The following TIMM23B variants were observed in gnomAD, a reference collection of about 807,000 sequenced individuals.
TIMM23B encodes mitochondrial import inner membrane translocase subunit Tim23B.
Under a neutral mutation model 27.3 loss-of-function variants are expected in TIMM23B, and 27 were observed. The ratio of observed to expected loss-of-function variants is 0.99; its 90% CI spans 0.73 to 1.36. The LOEUF is 1.36. Among genes scored for constraint, TIMM23B ranks in the 40% most tolerant of loss-of-function variants. TIMM23B has a pLI of 0.00. For missense variants in TIMM23B, 205 were observed against 244.2 expected (o/e 0.84, Z 1.07); for synonymous variants, 73 against 92.4 (o/e 0.79, Z 1.21).
chr10:49,943,671 C>A (rs1468144144), intron 1 of TIMM23B, among the ~76,000 whole-genome samples: 7 of 150,560 alleles, frequency 4.6e-5, no homozygotes, highest in Non-Finnish European at 1.0e-4. Flanking sequence ...GAATGAACAC[C>A]ATTTACTGAG....
At chr10:49,964,783 G>A (rs1451830676) in intron 6 of TIMM23B, among the ~76,000 whole-genome samples, 1 of 151,606 alleles carries the variant, frequency 6.6e-6, no homozygotes, top group Non-Finnish European at 1.5e-5. Context: ...GAAATGCCGG[G>A]TGAAATGAAA....
intron 6 of TIMM23B, among the ~76,000 whole-genome samples, chr10:49,969,393 T>C (rs2132063940): frequency 7.0e-6 from 1 of 142,990 alleles, no homozygotes; most frequent in South Asian, 2.2e-4. Flanking sequence ...GCCTTCATTG[T>C]GCCACTGCAC....
At chr10:49,972,873 C>T (rs1840512410) in intron 6 of TIMM23B, 139 bp from the exon 7 acceptor site, 2 of 692,708 alleles carry the variant, frequency 2.9e-6, no homozygotes, top group Non-Finnish European at 2.5e-6. Flanking sequence ...CAGATAGAGA[C>T]ATGCATGTTG....
At chr10:49,957,427 A>C (rs1390234794) in intron 5 of TIMM23B, among the ~76,000 whole-genome samples, 1 of 151,762 alleles carries the variant, frequency 6.6e-6, no homozygotes, top group East Asian at 1.9e-4. Flanking sequence ...TTTTTTAAAA[A>C]TTTTTTTGGA....
chr10:49,968,343 T>C (rs1273649043), intron 6 of TIMM23B, among the ~76,000 whole-genome samples: 2 of 152,254 alleles, frequency 1.3e-5, no homozygotes, highest in African/African-American at 4.8e-5. Context: ...AAACTTAGAT[T>C]TTACAATCCT....
intron 6 of TIMM23B, among the ~76,000 whole-genome samples, chr10:49,963,298 G>C (rs12783676): frequency 0.18 from 26,695 of 150,880 alleles, 1,331 homozygotes; most frequent in Non-Finnish European, 0.25. Context: ...GTCTCGAAAT[G>C]AAATGGAATG....
intron 6 of TIMM23B, among the ~76,000 whole-genome samples, chr10:49,969,617 T>C (rs1369986475): frequency 6.6e-6 from 1 of 151,136 alleles, no homozygotes; most frequent in African/African-American, 2.4e-5. Context: ...CACTTGAGCT[T>C]GGGGAGGTCA....
At chr10:49,955,491 T>G (rs1463732606) in intron 5 of TIMM23B, among the ~76,000 whole-genome samples, 1 of 152,254 alleles carries the variant, frequency 6.6e-6, no homozygotes, top group African/African-American at 2.4e-5. Context: ...CTGAGTAGAT[T>G]TCAGGCACCT....
At chr10:49,949,842 A>G (rs1839466826) in intron 2 of TIMM23B, among the ~76,000 whole-genome samples, 2 of 150,420 alleles carry the variant, frequency 1.3e-5, no homozygotes, top group African/African-American at 2.4e-5. Context: ...TTTGGCAACA[A>G]CTTTTTTTTT....
At chr10:49,943,510 C>G (rs1839236560) in intron 1 of TIMM23B, among the ~76,000 whole-genome samples, 1 of 151,960 alleles carries the variant, frequency 6.6e-6, no homozygotes, top group Admixed American at 6.6e-5. Context: ...ATTCCTAGGC[C>G]TGAGCTACTA....
intron 6 of TIMM23B, among the ~76,000 whole-genome samples, chr10:49,971,357 A>G (rs1465068043): frequency 1.3e-5 from 2 of 151,910 alleles, no homozygotes; most frequent in African/African-American, 4.8e-5. Flanking sequence ...AAATACTGCA[A>G]GAACATCTGC....
At chr10:49,947,441 C>G (rs1402264733) in intron 2 of TIMM23B, among the ~76,000 whole-genome samples, 1 of 151,488 alleles carries the variant, frequency 6.6e-6, no homozygotes, top group African/African-American at 2.4e-5. Flanking sequence ...AACCCCATCT[C>G]TACTAAAAAA....
At chr10:49,957,679 C>T (rs1191325020) in intron 5 of TIMM23B, among the ~76,000 whole-genome samples, 8 of 152,148 alleles carry the variant, frequency 5.3e-5, no homozygotes, top group African/African-American at 1.4e-4. Flanking sequence ...CCTCCTGACA[C>T]GTGGGTGAGT....
At chr10:49,965,022 A>G (rs1324359988) in intron 6 of TIMM23B, among the ~76,000 whole-genome samples, 2 of 152,224 alleles carry the variant, frequency 1.3e-5, no homozygotes, top group Non-Finnish European at 2.9e-5. Context: ...GGAGTTCAAG[A>G]TCAGCCTGGC....
At chr10:49,949,019 C>G (rs1417151021) in intron 2 of TIMM23B, among the ~76,000 whole-genome samples, 1,597 of 152,166 alleles carry the variant, frequency 0.01, 14 homozygotes, top group Non-Finnish European at 0.02. Flanking sequence ...TCCTAGATAG[C>G]TAGGGCTGCA....
At chr10:49,950,518 CTTT>C (rs1222407465) in intron 2 of TIMM23B, among the ~76,000 whole-genome samples, 1 of 128,044 alleles carries the variant, frequency 7.8e-6, no homozygotes, top group Admixed American at 7.9e-5. Flanking sequence ...TCATCACAGC[CTTT>C]TTTTTTTTTT....
chr10:49,954,859 A>G, intron 4 of TIMM23B, 143 bp from the exon 5 acceptor site: 1 of 704,034 alleles, frequency 1.4e-6, no homozygotes, highest in Non-Finnish European at 2.4e-6. Flanking sequence ...CCTTATTGAA[A>G]TCGGAGATAT....
At chr10:49,958,526 G>A (rs1461079284) in intron 6 of TIMM23B, 46 bp downstream of exon 6, 3 of 1,587,268 alleles carry the variant, frequency 1.9e-6, no homozygotes, top group African/African-American at 1.3e-5. Context: ...TACTTGAAGT[G>A]CGCTTTTTAA....
intron 6 of TIMM23B, among the ~76,000 whole-genome samples, chr10:49,960,980 A>G (rs1413264064): frequency 6.0e-5 from 9 of 150,690 alleles, no homozygotes; most frequent in Non-Finnish European, 1.3e-4. Context: ...AGGAAGATTA[A>G]GTTAGAAGTA....
Sources: allele counts gnomAD v4.1 joint callset (sites outside exome capture counted in the v4.1 genomes callset), GRCh38; gene constraint gnomAD v4.1.1; transcripts MANE v1.5; gene names NCBI Gene and HGNC (gene_info 2026-07-23, HGNC 2026-07-21).